Variants in TANK observed in about 807,000 individuals in gnomAD.
TANK encodes the protein TRAF family member associated NFKB activator.
Under a neutral mutation model 43.6 loss-of-function variants are expected in TANK, and 15 were observed. The observed-to-expected ratio is 0.34, with a 90% CI of 0.23 to 0.53. TANK has a LOEUF of 0.53. TANK is among the 20% of genes least tolerant of loss of function. TANK has a pLI of 0.94. For synonymous variants in TANK, 162 were observed against 178.2 expected (o/e 0.91, Z 0.73); for missense variants, 417 against 498.6 (o/e 0.84, Z 1.56).
At chr2:161,160,679 C>G (rs189596297) in intron 1 of TANK, 193 bp downstream of exon 1, 4 of 448,578 alleles carry the variant, frequency 8.9e-6, no homozygotes, top group Admixed American at 3.6e-5. Flanking sequence ...AGTCCTTCCC[C>G]CGGAGCGGAC....
rs546002219 is a variant in TANK, at chr2:161,208,771, A to G, written c.327+3978A>G. On this transcript the variant is annotated intron_variant, in intron 4 of 7. Transcript: ENST00000392749. ...TCTGCACAAACTGATAGCTAACTTC[A>G]CTCAAAGTAAGGGATCTGAGAGAGA... Among the ~76,000 whole-genome samples, 60 of 152,222 alleles carry G rather than the reference A, an allele frequency of 3.9e-4. No homozygotes were observed. In the South Asian group the frequency reaches 0.011, roughly 28 times the overall value.
chr2:161,161,304 A>G (rs777842720), intron 1 of TANK: 1 of 1,550,636 alleles, frequency 6.4e-7, no homozygotes, highest in South Asian at 1.2e-5. Flanking sequence ...TTGACAAGTT[A>G]TAATAAGGGA....
chr2:161,153,521 C>G (rs903902169), intron 1 of TANK, among the ~76,000 whole-genome samples: 1 of 151,644 alleles, frequency 6.6e-6, no homozygotes, highest in African/African-American at 2.4e-5. Flanking sequence ...AACCCTGTCT[C>G]TACAAAAAAT....
intron 1 of TANK, among the ~76,000 whole-genome samples, chr2:161,146,592 G>C (rs1683916874): frequency 6.6e-6 from 1 of 152,296 alleles, no homozygotes; most frequent in Middle Eastern, 3.4e-3. Context: ...GGACTGCTGA[G>C]GTTTGCTAGG....
intron 1 of TANK, chr2:161,161,630 T>G (rs1684441824): frequency 1.4e-6 from 1 of 697,298 alleles, no homozygotes; most frequent in South Asian, 2.2e-5. Context: ...TACTGTTCGA[T>G]AATCTGTTTC....
At chr2:161,172,867 C>A (rs547376390) in intron 1 of TANK, among the ~76,000 whole-genome samples, 1 of 152,168 alleles carries the variant, frequency 6.6e-6, no homozygotes, top group African/African-American at 2.4e-5. Flanking sequence ...TCTTTATTTC[C>A]CCTGCTCTAG....
intron 5 of TANK, 40 bp downstream of exon 5, chr2:161,224,031 C>CA (rs748749339): frequency 1.7e-5 from 21 of 1,262,020 alleles, no homozygotes; most frequent in Non-Finnish European, 2.4e-5. Flanking sequence ...TAAAAATTAT[C>CA]AATACTGAAA....
Position 161,176,819 on chromosome 2 carries a change from A to G in TANK, c.-49-2795A>G, listed in dbSNP as rs77524923. On this transcript the variant is annotated intron_variant, in intron 1 of 7. Transcript: ENST00000392749. Reference sequence around the variant, plus strand: ...CGAGGCTCTTATTTGTCTCAGATCTAAAGGTACAGGTGTGGTTTATATTGA... The same window carrying G: ...CGAGGCTCTTATTTGTCTCAGATCTGAAGGTACAGGTGTGGTTTATATTGA... Among the ~76,000 whole-genome samples the G allele has an allele frequency of 8.4e-4, 128 of 152,202 alleles. No individual in the cohort carries two copies. The East Asian group carries it at 0.023, about 27-fold the overall frequency.
At chr2:161,191,185 A>G (rs1685898710) in intron 2 of TANK, among the ~76,000 whole-genome samples, 1 of 152,240 alleles carries the variant, frequency 6.6e-6, no homozygotes, top group Non-Finnish European at 1.5e-5. Context: ...TTCAGGAAAG[A>G]CATCTAAGTA....
At chr2:161,177,064 A>C (rs933674787) in intron 1 of TANK, among the ~76,000 whole-genome samples, 6 of 152,104 alleles carry the variant, frequency 3.9e-5, no homozygotes, top group Admixed American at 2.6e-4. Flanking sequence ...TGTCTAAAAT[A>C]CTCAAAATGA....
chr2:161,198,345 T>G (rs1210497115), intron 2 of TANK, among the ~76,000 whole-genome samples: 1 of 152,248 alleles, frequency 6.6e-6, no homozygotes, highest in African/African-American at 2.4e-5. Flanking sequence ...GGGTGGAAGT[T>G]GGACCCCCAA....
chr2:161,145,182 T>A (rs1393888623), intron 1 of TANK, among the ~76,000 whole-genome samples: 1 of 145,400 alleles, frequency 6.9e-6, no homozygotes, highest in African/African-American at 2.6e-5. Flanking sequence ...GCTTGGTAAA[T>A]GTTCCTCCAT....
chr2:161,197,943 A>C (rs1246024817), intron 2 of TANK, among the ~76,000 whole-genome samples: 1 of 152,120 alleles, frequency 6.6e-6, no homozygotes, highest in Non-Finnish European at 1.5e-5. Context: ...ATATGAGATA[A>C]ATGCACGTGA....
chr2:161,188,954 TATATGGAAG>T (rs1160952209), intron 2 of TANK, among the ~76,000 whole-genome samples: 1 of 152,166 alleles, frequency 6.6e-6, no homozygotes, highest in Non-Finnish European at 1.5e-5. Flanking sequence ...TACCTTCCAC[TATATGGAAG>T]ATGCTAGTGT....
At chr2:161,165,495 A>C (rs1480724173) in intron 1 of TANK, among the ~76,000 whole-genome samples, 2 of 152,202 alleles carry the variant, frequency 1.3e-5, no homozygotes, top group African/African-American at 4.8e-5. Flanking sequence ...GGAATCCCAA[A>C]AGTAGAAATG....
At chr2:161,208,099 T>C in intron 4 of TANK, 1 of 954,216 alleles carries the variant, frequency 1.0e-6, no homozygotes, top group Non-Finnish European at 1.2e-6. Context: ...ATTTGTTTTC[T>C]TTAGACAATT....
upstream of TANK, among the ~76,000 whole-genome samples, chr2:161,158,076 C>CTATTTAAT (rs1684272852): frequency 1.3e-5 from 2 of 152,326 alleles, no homozygotes; most frequent in Admixed American, 1.3e-4. Flanking sequence ...GACGTGGTCT[C>CTATTTAAT]ACTATGTTGC....
intron 4 of TANK, chr2:161,223,164 G>A (rs554332105): frequency 6.6e-6 from 1 of 152,106 alleles, no homozygotes; most frequent in South Asian, 2.1e-4. Flanking sequence ...TCTGTATTAG[G>A]ATTCTTCAAA....
At chr2:161,204,529 G>A (rs978616193) in intron 3 of TANK, 146 bp from the exon 4 acceptor site, 1 of 672,162 alleles carries the variant, frequency 1.5e-6, no homozygotes, top group African/African-American at 1.9e-5. Context: ...ACTTGTCAAA[G>A]TAACTATTAC....
Sources: allele counts gnomAD v4.1 joint callset (sites outside exome capture counted in the v4.1 genomes callset), GRCh38; gene constraint gnomAD v4.1.1; transcripts MANE v1.5; gene names NCBI Gene and HGNC (gene_info 2026-07-23, HGNC 2026-07-21).